Variants in ZSWIM5 observed in about 807,000 individuals in gnomAD.
The protein encoded by ZSWIM5 is zinc finger SWIM domain-containing protein 5.
In ZSWIM5, 55 loss-of-function variants were observed where a neutral mutation model predicts 119.6. The ratio of observed to expected loss-of-function variants is 0.46; its 90% CI spans 0.37 to 0.58. The LOEUF is 0.58. ZSWIM5 is among the 20% of genes least tolerant of loss of function. ZSWIM5 has a pLI of 0.00. For synonymous variants in ZSWIM5, 537 were observed against 606.9 expected, an observed-to-expected ratio of 0.88 and a Z score of 1.69; for missense variants, 1,193 against 1,512.8, an observed-to-expected ratio of 0.79 and a Z score of 3.51.
chr1:45,094,535 G>C (rs927250583), intron 1 of ZSWIM5, among the ~76,000 whole-genome samples: 21 of 151,972 alleles, frequency 1.4e-4, no homozygotes, highest in Admixed American at 1.3e-3. Flanking sequence ...TTGAGCCCAG[G>C]AGTTCAAGGC....
rs1359150401 is a variant in ZSWIM5 at position 45,019,441 on chromosome 1, T to C, written c.2696-125A>G. ...TTCTTCCTCCTCAGCAACCTTGAGA[T>C]GATATGAGGCAAACCAGGGCAAGGG... On this transcript the variant is annotated intron_variant, in intron 13 of 13. Coordinates refer to ENST00000359600, the MANE Select transcript of ZSWIM5 (RefSeq NM_020883.2). The surrounding 1 kb of genome is among the most constrained non-coding windows in gnomAD (Gnocchi z 5.0). The C allele has an allele frequency of 3.8e-6, 5 of 1,327,378 alleles. No homozygotes were observed. The African/African-American group carries it at 5.9e-5, about 16-fold the overall frequency. The allele number at this position is 1,327,378 out of a possible 1,614,324, so 82.2% of individuals were successfully genotyped here.
chr1:45,200,397 C>A (rs902465757), intron 1 of ZSWIM5, among the ~76,000 whole-genome samples: 5 of 151,948 alleles, frequency 3.3e-5, no homozygotes, highest in Admixed American at 2.6e-4. Flanking sequence ...TATAAATAAA[C>A]CACAAGGTAA....
At chr1:45,049,739 G>C (rs1040370537) in intron 5 of ZSWIM5, among the ~76,000 whole-genome samples, 1 of 152,000 alleles carries the variant, frequency 6.6e-6, no homozygotes, top group Non-Finnish European at 1.5e-5. Context: ...GCTTGAACCT[G>C]GGAGGCAGAG....
intron 1 of ZSWIM5, among the ~76,000 whole-genome samples, chr1:45,148,815 AC>A (rs1645778004): frequency 6.6e-6 from 1 of 152,254 alleles, no homozygotes; most frequent in Non-Finnish European, 1.5e-5. Context: ...AAAGGTAGAC[AC>A]TGAACCCTTT....
chr1:45,117,291 A>AGGATCATTATC (rs1645564015), intron 1 of ZSWIM5, among the ~76,000 whole-genome samples: 1 of 152,198 alleles, frequency 6.6e-6, no homozygotes, highest in Non-Finnish European at 1.5e-5. Flanking sequence ...CTCTAGATAG[A>AGGATCATTATC]GGATCATTAT....
At chr1:45,184,496 A>C (rs1457070279) in intron 1 of ZSWIM5, among the ~76,000 whole-genome samples, 2 of 152,218 alleles carry the variant, frequency 1.3e-5, no homozygotes, top group African/African-American at 4.8e-5. Flanking sequence ...ATATCTAGGA[A>C]ACCCCATTGT....
chr1:45,079,458 G>A (rs1438877270), intron 2 of ZSWIM5, among the ~76,000 whole-genome samples: 1 of 152,142 alleles, frequency 6.6e-6, no homozygotes, highest in Non-Finnish European at 1.5e-5. Context: ...AAGGCCCAAG[G>A]CCTCTCCAGT....
At chr1:45,190,986 G>T (rs1010193410) in intron 1 of ZSWIM5, among the ~76,000 whole-genome samples, 2 of 111,324 alleles carry the variant, frequency 1.8e-5, no homozygotes, top group Non-Finnish European at 3.3e-5. Flanking sequence ...TCGCTCTTTC[G>T]CCCAGGCCGG....
chr1:45,140,183 T>C (rs1645717832), intron 1 of ZSWIM5, among the ~76,000 whole-genome samples: 1 of 152,106 alleles, frequency 6.6e-6, no homozygotes, highest in African/African-American at 2.4e-5. Flanking sequence ...CAACCAAAGG[T>C]TGGCAAACTA....
rs754300315 is a variant in ZSWIM5, at chr1:45,035,773, T to C, written c.2206A>G (p.Met736Val). 3 of 1,613,826 alleles carry C rather than the reference T, an allele frequency of 1.9e-6. No homozygotes were observed. Among genetic ancestry groups the C allele is most frequent in the South Asian group, 1.1e-5 (1 of 91,056 alleles). ...AACAAATACTTGGCAAAGGTATGCA[T>C]GGGAACACTCTCTCGGTGGATGACT... ...GEVIHRESVP[M>V]HTFAKYLFSA... The change falls in exon 10 of 14, where the codon ATG becomes GTG. Residue 736 changes from methionine (M) to valine (V), a missense_variant. Around this residue, in one of 2 missense-constraint regions of ZSWIM5, gnomAD observed 961 missense variants for 1,290.0 expected, o/e 0.74. Transcript: ENST00000359600.
chr1:45,091,673 A>C (rs1306022457), intron 1 of ZSWIM5, among the ~76,000 whole-genome samples: 1 of 152,066 alleles, frequency 6.6e-6, no homozygotes, highest in Non-Finnish European at 1.5e-5. Context: ...AAATAAAAAC[A>C]AACAAACAAA....
At chr1:45,059,673 G>A (rs1303550387) in intron 3 of ZSWIM5, among the ~76,000 whole-genome samples, 1 of 152,076 alleles carries the variant, frequency 6.6e-6, no homozygotes, top group East Asian at 1.9e-4. Flanking sequence ...TATAGTATAT[G>A]AATTATATCT....
intron 1 of ZSWIM5, among the ~76,000 whole-genome samples, chr1:45,172,916 T>C (rs1645955106): frequency 6.6e-6 from 1 of 152,092 alleles, no homozygotes; most frequent in African/African-American, 2.4e-5. Flanking sequence ...ATAATCCCAA[T>C]GCTTTCGGAA....
At chr1:45,159,808 C>T (rs1237572006) in intron 1 of ZSWIM5, among the ~76,000 whole-genome samples, 2 of 152,094 alleles carry the variant, frequency 1.3e-5, no homozygotes, top group Admixed American at 6.6e-5. Context: ...AGGCTAGTCT[C>T]GAACTCCTGA....
chr1:45,039,450 A>C (rs1271211882), intron 7 of ZSWIM5, among the ~76,000 whole-genome samples: 1 of 152,178 alleles, frequency 6.6e-6, no homozygotes, highest in Non-Finnish European at 1.5e-5. Context: ...CAGTGGCGTG[A>C]TCTTGGCTCA....
At chr1:45,095,161 T>C (rs904706921) in intron 1 of ZSWIM5, among the ~76,000 whole-genome samples, 4 of 151,966 alleles carry the variant, frequency 2.6e-5, no homozygotes, top group African/African-American at 9.7e-5. Context: ...AGGGTCTCTC[T>C]CTGTTGCCCA....
intron 11 of ZSWIM5, among the ~76,000 whole-genome samples, chr1:45,031,596 T>C (rs959251738): frequency 2.0e-5 from 3 of 151,830 alleles, no homozygotes; most frequent in Non-Finnish European, 4.4e-5. Flanking sequence ...TCCCAGCACT[T>C]TGGGAGGCTG....
rs145234431 is a variant in ZSWIM5, at chr1:45,090,109, A to T, written c.596-1872T>A. ...ACAAATGCAGAGAAAACTTTACAAG[A>T]TTCAAGTTTCAGACAGTTATGGTTA... On this transcript the variant is annotated intron_variant, in intron 1 of 13. Coordinates refer to ENST00000359600, the MANE Select transcript of ZSWIM5 (RefSeq NM_020883.2). Among the ~76,000 whole-genome samples the T allele has an allele frequency of 1.2e-3, 184 of 152,336 alleles. 2 individuals carry two copies. The East Asian group carries it at 0.034, about 28-fold the overall frequency.
chr1:45,143,441 TACA>T (rs1219993376), intron 1 of ZSWIM5, among the ~76,000 whole-genome samples: 3 of 152,196 alleles, frequency 2.0e-5, no homozygotes, highest in African/African-American at 7.2e-5. Context: ...TTTGACAAAA[TACA>T]ACAACTGTTC....
Sources: allele counts gnomAD v4.1 joint callset (sites outside exome capture counted in the v4.1 genomes callset), GRCh38; gene constraint gnomAD v4.1.1; regional missense constraint gnomAD v4.1.1; non-coding constraint Gnocchi (gnomAD v3.1); transcripts MANE v1.5; gene names NCBI Gene and HGNC (gene_info 2026-07-23, HGNC 2026-07-21).